Variants in TAF15 observed in about 807,000 individuals in gnomAD.
The protein encoded by TAF15 is TATA-binding protein-associated factor 2N.
A neutral mutation model predicts 102.5 loss-of-function variants in TAF15; 37 were observed. The observed-to-expected ratio is 0.36, with a 90% confidence interval of 0.28 to 0.47. TAF15 has a LOEUF of 0.47. Among genes scored for constraint, TAF15 ranks in the 20% least tolerant of loss-of-function variants. The pLI is 0.99. For missense variants in TAF15, 652 were observed against 760.7 expected (o/e 0.86, Z 1.68); for synonymous variants, 273 against 259.2 (o/e 1.05, Z -0.51).
intron 7 of TAF15, among the ~76,000 whole-genome samples, chr17:35,824,467 C>T (rs2087302338): frequency 6.6e-6 from 1 of 152,098 alleles, no homozygotes; most frequent in Non-Finnish European, 1.5e-5. Flanking sequence ...GTGATTAAAT[C>T]ACTTGACTTT....
At chr17:35,814,736 C>G (rs1404382843) in intron 1 of TAF15, among the ~76,000 whole-genome samples, 2 of 151,646 alleles carry the variant, frequency 1.3e-5, no homozygotes, top group East Asian at 1.9e-4. Flanking sequence ...ACCTGTAATC[C>G]CAGCCACTCA....
intron 1 of TAF15, among the ~76,000 whole-genome samples, chr17:35,812,643 A>G (rs538294118): frequency 1.7e-4 from 26 of 151,212 alleles, no homozygotes; most frequent in South Asian, 4.2e-4. Flanking sequence ...TTCATGGTTT[A>G]GATCACAAGG....
At chr17:35,840,194 A>G (rs1348355071) in intron 11 of TAF15, among the ~76,000 whole-genome samples, 4 of 150,344 alleles carry the variant, frequency 2.7e-5, no homozygotes, top group African/African-American at 7.4e-5. Flanking sequence ...AGTTCCTTTC[A>G]GTTTCAAGAT....
At chr17:35,834,373 T>C in intron 8 of TAF15, 193 bp from the exon 9 acceptor site, 1 of 597,108 alleles carries the variant, frequency 1.7e-6, no homozygotes, top group South Asian at 2.2e-5. Context: ...AAAGGAAATG[T>C]TGACATTCAT....
chr17:35,820,290 A>T, intron 4 of TAF15, 42 bp downstream of exon 4: 1 of 1,613,786 alleles, frequency 6.2e-7, no homozygotes, highest in South Asian at 1.1e-5. Flanking sequence ...GAGATTGAAA[A>T]ATCAGAGCCT....
intron 7 of TAF15, among the ~76,000 whole-genome samples, chr17:35,830,997 C>T (rs1283225894): frequency 6.6e-6 from 1 of 152,050 alleles, no homozygotes; most frequent in Non-Finnish European, 1.5e-5. Flanking sequence ...AAGACTGTAC[C>T]CTGAGTTTCT....
intron 15 of TAF15, among the ~76,000 whole-genome samples, chr17:35,845,473 C>T (rs1305695285): frequency 6.6e-6 from 1 of 152,114 alleles, no homozygotes; most frequent in Non-Finnish European, 1.5e-5. Context: ...CCAGGCTGGT[C>T]TCAAACTCCT....
At chr17:35,823,005 G>C (rs192170774) in intron 6 of TAF15, among the ~76,000 whole-genome samples, 172 bp downstream of exon 6, 309 of 152,302 alleles carry the variant, frequency 2.0e-3, no homozygotes, top group Non-Finnish European at 3.8e-3. Context: ...TTCTACTTCT[G>C]AACTTGGAGG....
intron 7 of TAF15, among the ~76,000 whole-genome samples, chr17:35,831,192 G>A (rs531300152): frequency 9.9e-5 from 15 of 152,242 alleles, no homozygotes; most frequent in African/African-American, 3.1e-4. Context: ...CATGAAGTCA[G>A]GAGATTGAGA....
chr17:35,845,155 G>C, intron 15 of TAF15, 117 bp downstream of exon 15: 1 of 1,278,172 alleles, frequency 7.8e-7, no homozygotes, highest in Non-Finnish European at 1.1e-6. Context: ...GTTCTCTCAG[G>C]ATGGAGAAGA....
chr17:35,838,626 C>T (rs1368884455), intron 11 of TAF15, 73 bp downstream of exon 11: 2 of 1,603,218 alleles, frequency 1.2e-6, no homozygotes, highest in East Asian at 2.2e-5. Context: ...AGAATATGCT[C>T]TGGGTGACAG....
At chr17:35,812,836 G>C (rs755811613) in intron 1 of TAF15, among the ~76,000 whole-genome samples, 1 of 151,768 alleles carries the variant, frequency 6.6e-6, no homozygotes, top group Non-Finnish European at 1.5e-5. Context: ...TCAACCCTAA[G>C]ATCAAGGTTG....
intron 1 of TAF15, among the ~76,000 whole-genome samples, chr17:35,814,519 G>A (rs1274825440): frequency 6.6e-6 from 1 of 150,982 alleles, no homozygotes; most frequent in Non-Finnish European, 1.5e-5. Context: ...CAGACGTAAT[G>A]TTAAAAGGAA....
At chr17:35,831,539 T>C (rs916458868) in intron 7 of TAF15, among the ~76,000 whole-genome samples, 1 of 152,152 alleles carries the variant, frequency 6.6e-6, no homozygotes, top group Non-Finnish European at 1.5e-5. Context: ...TGTTCAAAGT[T>C]ATATTACTGG....
chr17:35,810,237 TGAAA>T (rs2087109756), intron 1 of TAF15: 1 of 159,164 alleles, frequency 6.3e-6, no homozygotes, highest in African/African-American at 2.4e-5. Context: ...GTTTATCTCC[TGAAA>T]GAGTTTGAAA....
At chr17:35,816,938 G>A (rs902610404) in intron 1 of TAF15, 3 of 146,000 alleles carry the variant, frequency 2.1e-5, no homozygotes, top group African/African-American at 7.6e-5. Flanking sequence ...ATCCACCTCA[G>A]CCTCTCGAGT....
intron 12 of TAF15, among the ~76,000 whole-genome samples, chr17:35,843,582 T>C (rs2087573668): frequency 1.3e-5 from 2 of 152,174 alleles, no homozygotes; most frequent in South Asian, 4.1e-4. Flanking sequence ...AAGTAGGGTA[T>C]AGGTTAGGCA....
chr17:35,828,883 A>G (rs1246985490), intron 7 of TAF15, among the ~76,000 whole-genome samples: 1 of 152,126 alleles, frequency 6.6e-6, no homozygotes, highest in Non-Finnish European at 1.5e-5. Flanking sequence ...GACTGGCTAC[A>G]TTTCCAGTGC....
At chr17:35,833,818 A>T in intron 7 of TAF15, 89 bp from the exon 8 acceptor site, 1 of 1,355,480 alleles carries the variant, frequency 7.4e-7, no homozygotes, top group Non-Finnish European at 1.1e-6. Flanking sequence ...TAAGCACTCT[A>T]CTTGTGACAG....
Sources: gnomAD v4.1 joint callset for allele counts (sites outside exome capture counted in the v4.1 genomes callset) on GRCh38, gnomAD v4.1.1 for gene constraint, MANE v1.5 for transcripts, NCBI Gene and HGNC (gene_info 2026-07-23, HGNC 2026-07-21) for gene names.